Variants in DIP2C observed in about 807,000 individuals in gnomAD.
DIP2C encodes DIP2 acetate--CoA ligase C (putative), also known as disco-interacting protein 2 homolog C.
In DIP2C, 33 loss-of-function variants were observed where a neutral mutation model predicts 192.4. The observed-to-expected ratio is 0.17, with a 90% CI of 0.13 to 0.23. The LOEUF is 0.23. DIP2C is among the 10% of genes least tolerant of loss of function. The pLI is 1.00. For synonymous variants in DIP2C, 979 were observed against 864.1 expected (o/e 1.13, Z -2.33); for missense variants, 1,537 against 2,110.1 (o/e 0.73, Z 5.32).
At chr10:618,037 GTGAT>G in intron 1 of DIP2C, among the ~76,000 whole-genome samples, 1 of 152,294 alleles carries the variant, frequency 6.6e-6, no homozygotes, top group African/African-American at 2.4e-5. Context: ...GTCCCACTCT[GTGAT>G]TGTGTGTTTA....
At chr10:514,845 G>A (rs962614150) in intron 1 of DIP2C, among the ~76,000 whole-genome samples, 2 of 152,120 alleles carry the variant, frequency 1.3e-5, no homozygotes, top group African/African-American at 2.4e-5. Flanking sequence ...TCCTGTGCTT[G>A]GAGGATTTAT....
rs994993380 is a variant in DIP2C, at chr10:478,951, C to G, written c.158-6402G>C. Among the ~76,000 whole-genome samples, 5 of 152,150 alleles carry G rather than the reference C, an allele frequency of 3.3e-5. No homozygotes were observed. The East Asian group carries it at 9.6e-4, about 29-fold the overall frequency. On this transcript the variant is annotated intron_variant, in intron 2 of 36. Coordinates refer to ENST00000280886, the MANE Select transcript of DIP2C (RefSeq NM_014974.3). The stretch of plus-strand genomic sequence containing the variant: ...GAGGGCCAAGAGGCTCTCCTGCCCT[C>G]CTTCCCCAGCACCCAGGGGCAAGCG...
chr10:334,320 A>AG (rs1554821662), intron 29 of DIP2C, among the ~76,000 whole-genome samples: 13 of 151,430 alleles, frequency 8.6e-5, no homozygotes, highest in African/African-American at 3.1e-4. Flanking sequence ...AAAAAAAAAA[A>AG]AAAAAGAAAA....
chr10:483,916 A>T (rs1843807975), intron 2 of DIP2C, among the ~76,000 whole-genome samples: 1 of 152,026 alleles, frequency 6.6e-6, no homozygotes, highest in Admixed American at 6.6e-5. Flanking sequence ...TCTTGGATTC[A>T]AGCAATCCTC....
intron 1 of DIP2C, among the ~76,000 whole-genome samples, chr10:594,408 T>G (rs553002058): frequency 6.6e-6 from 1 of 151,928 alleles, no homozygotes; most frequent in Admixed American, 6.5e-5. Flanking sequence ...CATTTCAACA[T>G]AAGGGAACAT....
intron 28 of DIP2C, among the ~76,000 whole-genome samples, chr10:342,791 C>A (rs1958221420): frequency 6.6e-6 from 1 of 152,168 alleles, no homozygotes; most frequent in African/African-American, 2.4e-5. Flanking sequence ...CCATCATGAC[C>A]AGACAGTGAA....
At chr10:599,138 C>T (rs1229736579) in intron 1 of DIP2C, among the ~76,000 whole-genome samples, 1 of 152,136 alleles carries the variant, frequency 6.6e-6, no homozygotes, top group Non-Finnish European at 1.5e-5. Context: ...GACCCAGAAA[C>T]CCCAGCGTTC....
At chr10:572,406 C>T (rs1368149129) in intron 1 of DIP2C, among the ~76,000 whole-genome samples, 1 of 152,186 alleles carries the variant, frequency 6.6e-6, no homozygotes, top group Non-Finnish European at 1.5e-5. Flanking sequence ...CTTTCCATCA[C>T]GGGGTCCCCA....
chr10:284,727 G>A (rs900421830), intron 34 of DIP2C, among the ~76,000 whole-genome samples: 5 of 152,112 alleles, frequency 3.3e-5, no homozygotes, highest in Non-Finnish European at 7.4e-5. Flanking sequence ...TAACAGAATA[G>A]ATCCTAAATG....
intron 1 of DIP2C, among the ~76,000 whole-genome samples, chr10:492,961 G>A (rs1844552270): frequency 6.6e-6 from 1 of 152,226 alleles, no homozygotes; most frequent in African/African-American, 2.4e-5. Context: ...AACAGTCCCT[G>A]AAGGGCTTAG....
intron 1 of DIP2C, among the ~76,000 whole-genome samples, chr10:611,723 G>A (rs189488531): frequency 8.5e-4 from 130 of 152,286 alleles, no homozygotes; most frequent in Non-Finnish European, 1.6e-4. Flanking sequence ...AGGCACACAC[G>A]TAGGAAAGCA....
At chr10:631,592 G>A (rs1022451725) in intron 1 of DIP2C, among the ~76,000 whole-genome samples, 2 of 152,160 alleles carry the variant, frequency 1.3e-5, no homozygotes, top group African/African-American at 4.8e-5. Flanking sequence ...TCTTTAATGG[G>A]TGAACCCTGA....
intron 1 of DIP2C, among the ~76,000 whole-genome samples, chr10:582,758 C>T (rs558389616): frequency 1.1e-4 from 17 of 152,268 alleles, no homozygotes; most frequent in African/African-American, 3.9e-4. Flanking sequence ...AGCGTGGCCA[C>T]GTGGCCGGCC....
chr10:376,680 C>T (rs868059167), intron 17 of DIP2C, among the ~76,000 whole-genome samples: 8 of 151,602 alleles, frequency 5.3e-5, no homozygotes, highest in African/African-American at 1.2e-4. Flanking sequence ...AGCCACACAA[C>T]GCACACAGAA....
At chr10:604,226 T>C (rs1282512255) in intron 1 of DIP2C, among the ~76,000 whole-genome samples, 3 of 152,084 alleles carry the variant, frequency 2.0e-5, no homozygotes, top group African/African-American at 7.2e-5. Flanking sequence ...TAAACTTCAT[T>C]ACACTAACAA....
rs1374023207 is a variant in DIP2C, at chr10:305,653, TTTTTC to T, written c.3986+4373_3986+4377del. ...TGTAAAAAATTGCTAAAACTGTTCC[TTTTTC>T]TTTTGAGACAAGGTCTTGCTCCATT... On this transcript the variant is annotated intron_variant, in intron 32 of 36. Transcript: ENST00000280886. Among the ~76,000 whole-genome samples the T allele has an allele frequency of 4.6e-5, 7 of 152,340 alleles. No homozygotes were observed. The South Asian group carries it at 8.3e-4, about 18-fold the overall frequency.
At position 415,900 on chromosome 10, in the gene DIP2C, G is replaced by C; in HGVS notation, c.740-12C>G. The C allele has an allele frequency of 1.9e-6, 3 of 1,613,574 alleles. No individual in the cohort carries two copies. Among genetic ancestry groups the C allele is most frequent in the Non-Finnish European group, 2.5e-6 (3 of 1,179,896 alleles). ...ACTTACTGGTACTCCTGAAAAACAG[G>C]AATCAGCGGGTGGGGAAAGCGATCA... On this transcript the variant is annotated splice_polypyrimidine_tract_variant and intron_variant, in intron 6 of 36. Coordinates refer to ENST00000280886, the MANE Select transcript of DIP2C (RefSeq NM_014974.3).
intron 19 of DIP2C, among the ~76,000 whole-genome samples, 157 bp from the exon 20 acceptor site, chr10:364,739 C>T (rs1311302918): frequency 6.6e-6 from 1 of 152,202 alleles, no homozygotes; most frequent in African/African-American, 2.4e-5. Context: ...CCGCTGGTGG[C>T]CAACAGTCTT....
rs1478470719 is a variant in DIP2C at position 277,392 on chromosome 10, C to T, written c.4604G>A (p.Arg1535His). 8 of 1,614,158 alleles carry T rather than the reference C, an allele frequency of 5.0e-6. No homozygotes were observed. The highest frequency in any genetic ancestry group is 2.2e-5 in the East Asian group (1 of 44,886). Reference protein sequence around the residue: ...IPINSRGEKQRMHLRDGFLAD... With the variant: ...IPINSRGEKQHMHLRDGFLAD... The stretch of plus-strand genomic sequence containing the variant: ...CAAAAACCCGTCTCGCAGGTGCATG[C>T]GCTGCTTCTCCCCACGGGAGTTGAT... Residue 1535 changes from arginine to histidine, a missense_variant, in exon 37 of 37, where the codon CGC (arginine) becomes CAC (histidine). Arg to His is a conservative substitution (Grantham distance 29). Transcript: ENST00000280886.
Sources: allele counts gnomAD v4.1 joint callset (sites outside exome capture counted in the v4.1 genomes callset), GRCh38; gene constraint gnomAD v4.1.1; transcripts MANE v1.5; gene names NCBI Gene and HGNC (gene_info 2026-07-23, HGNC 2026-07-21).